Variants in ATP10B observed in about 807,000 individuals in gnomAD.
ATP10B encodes phospholipid-transporting ATPase VB.
In ATP10B, 122 loss-of-function variants were observed where a neutral mutation model predicts 141.2. That is an observed-to-expected ratio of 0.86 (90% CI 0.75 to 1.00). The LOEUF (loss-of-function observed/expected upper bound fraction) is 1.00. ATP10B is among the 50% of genes least tolerant of loss of function. The pLI is 0.00. For missense variants in ATP10B, 1,876 were observed against 1,825.3 expected (o/e 1.03, Z -0.51); for synonymous variants, 685 against 692.0 (o/e 0.99, Z 0.16).
intron 24 of ATP10B, 52 bp downstream of exon 24, chr5:160,589,540 G>A (rs1305851617): frequency 1.0e-5 from 14 of 1,378,810 alleles, no homozygotes; most frequent in Admixed American, 8.4e-5. Flanking sequence ...TTTGAGTATA[G>A]TCAATGGGCA....
At chr5:160,751,551 T>C (rs111961798) in intron 2 of ATP10B, among the ~76,000 whole-genome samples, 154 of 152,132 alleles carry the variant, frequency 1.0e-3, no homozygotes, top group African/African-American at 3.7e-3. Context: ...TGAGGATTTA[T>C]CCTACTGTCT....
chr5:160,716,790 C>G (rs562564016), intron 3 of ATP10B, 119 bp downstream of exon 3: 3 of 686,388 alleles, frequency 4.4e-6, no homozygotes, highest in Non-Finnish European at 5.4e-6. Context: ...TCATCCTTAG[C>G]TCTGGTTTCC....
intron 25 of ATP10B, 149 bp from the exon 26 acceptor site, chr5:160,566,049 T>C: frequency 1.4e-6 from 1 of 703,450 alleles, no homozygotes; most frequent in Non-Finnish European, 2.3e-6. Flanking sequence ...ACCTCTAGTC[T>C]TGGGTAGCTC....
intron 7 of ATP10B, among the ~76,000 whole-genome samples, chr5:160,663,443 G>A (rs1762083837): frequency 6.6e-6 from 1 of 152,110 alleles, no homozygotes; most frequent in Non-Finnish European, 1.5e-5. Context: ...TATACACCAT[G>A]GAATACTATG....
intron 1 of ATP10B, among the ~76,000 whole-genome samples, chr5:160,809,905 T>C (rs1773033092): frequency 6.6e-6 from 1 of 152,240 alleles, no homozygotes; most frequent in South Asian, 2.1e-4. Flanking sequence ...TCAGGCTTCT[T>C]GGCTCTTTAG....
In ATP10B at chr5:160,612,852, G is replaced by A; in HGVS notation, c.2727C>T (p.Ile909=). Residue 909 remains isoleucine (I), a synonymous_variant, in exon 18 of 26, where the codon ATC becomes ATT. Coordinates refer to ENST00000327245, the MANE Select transcript of ATP10B (RefSeq NM_025153.3). ...DTIATLREAG[I]QLWVLTGDKQ... is the part of the protein sequence containing the mutation. ...TATCTCCAGTCAGGACCCAGAGCTG[G>A]ATCCCAGCCTCCCGCAGAGTGGCAA... is the stretch of plus-strand genomic sequence containing the variant. 1 of 1,614,078 alleles carries A rather than the reference G, an allele frequency of 6.2e-7. No individual in the cohort carries two copies. The highest frequency in any genetic ancestry group is 1.1e-5 in the South Asian group (1 of 91,076).
chr5:160,670,647 T>A lies in ATP10B; in HGVS notation c.491A>T (p.Gln164Leu). ...CACGCGCACATCCTTCCAGCACTTC[T>A]GCACATAGGTCTGCTCTTTTCTTGG... ...IYERKEQTYVQKCWKDVRVGD... is the reference protein window; with the variant it reads ...IYERKEQTYVLKCWKDVRVGD... The change falls in exon 7 of 26, where the codon CAG becomes CTG. Residue 164 changes from glutamine (Q) to leucine (L), a missense_variant. Physicochemically the swap from Gln to Leu is moderately radical, Grantham distance 113. Coordinates refer to ENST00000327245, the MANE Select transcript of ATP10B (RefSeq NM_025153.3). 1 of 1,613,666 alleles carries A rather than the reference T, an allele frequency of 6.2e-7. No homozygotes were observed. The highest frequency in any genetic ancestry group is 8.5e-7 in the Non-Finnish European group (1 of 1,179,804).
intron 11 of ATP10B, among the ~76,000 whole-genome samples, chr5:160,635,977 G>T (rs1759337083): frequency 1.3e-5 from 2 of 152,202 alleles, no homozygotes; most frequent in Non-Finnish European, 2.9e-5. Flanking sequence ...TGGGGGCAGA[G>T]TCCCCTCCAC....
chr5:160,727,694 AT>A (rs1766454827), intron 2 of ATP10B, among the ~76,000 whole-genome samples: 1 of 152,184 alleles, frequency 6.6e-6, no homozygotes, highest in Non-Finnish European at 1.5e-5. Flanking sequence ...CATACAACCC[AT>A]AAAGGAAAAT....
At chr5:160,835,376 CA>C (rs752860254) in intron 1 of ATP10B, among the ~76,000 whole-genome samples, 1 of 152,052 alleles carries the variant, frequency 6.6e-6, no homozygotes, top group Non-Finnish European at 1.5e-5. Flanking sequence ...CAGTCATCTA[CA>C]GGGGAGAGGG....
At chr5:160,897,654 A>G in the ATP10B span, among the ~76,000 whole-genome samples, 1 of 152,218 alleles carries the variant, frequency 6.6e-6, no homozygotes, top group African/African-American at 2.4e-5. Flanking sequence ...CCATCAAGCT[A>G]CCATTGACTT....
chr5:160,652,556 T>G (rs1760826659), intron 7 of ATP10B, among the ~76,000 whole-genome samples: 2 of 144,918 alleles, frequency 1.4e-5, no homozygotes, highest in Admixed American at 7.2e-5. Flanking sequence ...CTTCCCGGGT[T>G]CAAACAATCT....
At chr5:160,651,312 T>C (rs1320240355) in intron 7 of ATP10B, among the ~76,000 whole-genome samples, 1 of 151,990 alleles carries the variant, frequency 6.6e-6, no homozygotes, top group Non-Finnish European at 1.5e-5. Context: ...AGCTAAGTAT[T>C]TTTTTTAAAG....
At chr5:160,762,607 C>T (rs1349166568) in intron 2 of ATP10B, among the ~76,000 whole-genome samples, 2 of 151,856 alleles carry the variant, frequency 1.3e-5, no homozygotes, top group Non-Finnish European at 2.9e-5. Flanking sequence ...AATGAACCTC[C>T]TTAAAGCATA....
the ATP10B span, among the ~76,000 whole-genome samples, chr5:160,897,432 C>A: frequency 1.3e-5 from 2 of 152,162 alleles, no homozygotes; most frequent in African/African-American, 2.4e-5. Flanking sequence ...TGAGTGAACT[C>A]CCATTCACAA....
intron 20 of ATP10B, 42 bp from the exon 21 acceptor site, chr5:160,602,744 G>A (rs768304422): frequency 2.5e-6 from 4 of 1,611,526 alleles, no homozygotes; most frequent in Admixed American, 3.3e-5. Context: ...ATCCATGGCT[G>A]CCAGTGCCCC....
At chr5:160,725,968 T>C (rs920879818) in intron 2 of ATP10B, among the ~76,000 whole-genome samples, 1 of 151,922 alleles carries the variant, frequency 6.6e-6, no homozygotes, top group Admixed American at 6.6e-5. Flanking sequence ...AGTATGGGAG[T>C]TGGAGAAGGC....
intron 1 of ATP10B, among the ~76,000 whole-genome samples, chr5:160,821,371 C>CA (rs1158941405): frequency 6.6e-6 from 1 of 151,552 alleles, no homozygotes; most frequent in Non-Finnish European, 1.5e-5. Context: ...AAATAAGATA[C>CA]AAAAAAAGCA....
intron 2 of ATP10B, among the ~76,000 whole-genome samples, chr5:160,733,534 A>C (rs1271112472): frequency 6.6e-6 from 1 of 152,116 alleles, no homozygotes; most frequent in East Asian, 1.9e-4. Flanking sequence ...AAGTTAAGGG[A>C]AAAAGCAAAT....
Sources: gnomAD v4.1 joint callset for allele counts (sites outside exome capture counted in the v4.1 genomes callset) on GRCh38, gnomAD v4.1.1 for gene constraint, MANE v1.5 for transcripts, NCBI Gene and HGNC (gene_info 2026-07-23, HGNC 2026-07-21) for gene names.